KIAA0825: variants seen among roughly 807,000 people sequenced by gnomAD.
KIAA0825 encodes the protein KIAA0825.
A neutral mutation model predicts 147.6 loss-of-function variants in KIAA0825; 119 were observed. That is an observed-to-expected ratio of 0.81 (90% CI 0.69 to 0.94). The LOEUF is 0.94. KIAA0825 is among the 40% of genes least tolerant of loss of function. KIAA0825 has a pLI of 0.00. For missense variants in KIAA0825, 1,381 were observed against 1,472.7 expected, an observed-to-expected ratio of 0.94 and a Z score of 1.02; for synonymous variants, 470 against 518.1, an observed-to-expected ratio of 0.91 and a Z score of 1.26.
At chr5:94,222,728 A>G (rs1773778424) in intron 20 of KIAA0825, among the ~76,000 whole-genome samples, 1 of 152,210 alleles carries the variant, frequency 6.6e-6, no homozygotes, top group East Asian at 1.9e-4. Flanking sequence ...ATTTTTATAT[A>G]TGATGGTATA....
chr5:94,366,134 C>T (rs1265633071), intron 20 of KIAA0825, among the ~76,000 whole-genome samples: 1 of 152,182 alleles, frequency 6.6e-6, no homozygotes, highest in African/African-American at 2.4e-5. Context: ...AAACTCCAGC[C>T]ACCAAATTCT....
intron 20 of KIAA0825, among the ~76,000 whole-genome samples, chr5:94,370,349 A>G (rs1746508082): frequency 6.6e-6 from 1 of 152,194 alleles, no homozygotes. Flanking sequence ...AACTGTGATG[A>G]TTGTTAAACA....
chr5:94,381,290 C>G (rs1748372356), intron 20 of KIAA0825, among the ~76,000 whole-genome samples: 1 of 152,178 alleles, frequency 6.6e-6, no homozygotes, highest in Non-Finnish European at 1.5e-5. Context: ...TATGTTACTA[C>G]TTTTTTGAAT....
chr5:94,285,166 T>C (rs1415027016), intron 20 of KIAA0825, among the ~76,000 whole-genome samples: 2 of 152,146 alleles, frequency 1.3e-5, no homozygotes, highest in Non-Finnish European at 2.9e-5. Flanking sequence ...GAATTAACTA[T>C]TGACTTCTCC....
intron 20 of KIAA0825, among the ~76,000 whole-genome samples, chr5:94,379,844 CTTTTTTTTTTTT>C (rs59886046): frequency 4.1e-4 from 23 of 55,724 alleles, no homozygotes; most frequent in African/African-American, 1.8e-3. Flanking sequence ...GTATTTTATT[CTTTTTTTTTTTT>C]TTTTTTTTTT....
intron 2 of KIAA0825, among the ~76,000 whole-genome samples, chr5:94,562,262 C>A (rs1648448571): frequency 6.6e-6 from 1 of 152,056 alleles, no homozygotes; most frequent in Non-Finnish European, 1.5e-5. Context: ...GTGGTTAAGA[C>A]AAATTCATAT....
rs2150712529 is a variant in KIAA0825 at position 94,417,270 on chromosome 5, T to A, written c.2593A>T (p.Thr865Ser). The A allele has an allele frequency of 6.4e-7, 1 of 1,551,080 alleles. No individual in the cohort carries two copies. The highest frequency in any genetic ancestry group is 2.0e-5 in the Admixed American group (1 of 50,984). The part of the protein sequence containing the change: ...ILYHCSFSPQ[T>S]FANVFVSYME... ...TAGCTCACAAAAACGTTTGCAAATG[T>A]TTGTGGAGAAAAACTGCAATGGTAC... The change falls in exon 15 of 21, where the codon ACA (threonine) becomes TCA (serine). Residue 865 changes from threonine to serine, a missense_variant. Coordinates refer to ENST00000682413, the MANE Select transcript of KIAA0825 (RefSeq NM_001145678.3).
intron 20 of KIAA0825, among the ~76,000 whole-genome samples, chr5:94,220,131 TA>T (rs1250778295): frequency 1.4e-4 from 22 of 152,336 alleles, no homozygotes; most frequent in Admixed American, 1.3e-3. Context: ...AAAAACATTT[TA>T]TTTTTTACTT....
chr5:94,171,588 A>G (rs1768618108), intron 20 of KIAA0825, among the ~76,000 whole-genome samples: 1 of 152,130 alleles, frequency 6.6e-6, no homozygotes, highest in African/African-American at 2.4e-5. Context: ...TTGTTAAGTG[A>G]ATGACCCATC....
At chr5:94,387,514 T>C (rs1410964279) in intron 18 of KIAA0825, among the ~76,000 whole-genome samples, 1 of 151,892 alleles carries the variant, frequency 6.6e-6, no homozygotes, top group Admixed American at 6.6e-5. Context: ...GCCAACATGG[T>C]GAAACCCCAT....
chr5:94,320,673 C>A (rs1780093212), intron 20 of KIAA0825, among the ~76,000 whole-genome samples: 1 of 151,940 alleles, frequency 6.6e-6, no homozygotes, highest in Non-Finnish European at 1.5e-5. Flanking sequence ...CCCTCTACAG[C>A]CTAAAATGGT....
chr5:94,373,664 C>A (rs1405934201), intron 20 of KIAA0825, among the ~76,000 whole-genome samples: 2 of 152,154 alleles, frequency 1.3e-5, no homozygotes, highest in East Asian at 3.8e-4. Context: ...CATGATTCAA[C>A]TACCTCCCAC....
chr5:94,406,543 C>G (rs147930776), intron 15 of KIAA0825, among the ~76,000 whole-genome samples: 309 of 152,214 alleles, frequency 2.0e-3, no homozygotes, highest in South Asian at 0.011. Context: ...GGTGTGAAGA[C>G]CTGGGAAAAT....
At chr5:94,521,564 T>C (rs985936685) in intron 4 of KIAA0825, among the ~76,000 whole-genome samples, 1 of 151,720 alleles carries the variant, frequency 6.6e-6, no homozygotes, top group Non-Finnish European at 1.5e-5. Flanking sequence ...TGAGAATATT[T>C]CAATTCTCTC....
chr5:94,519,695 C>A, intron 5 of KIAA0825: 1 of 744,248 alleles, frequency 1.3e-6, no homozygotes, highest in Non-Finnish European at 1.6e-6. Flanking sequence ...AATTGACTGA[C>A]TAAAATATTA....
rs1037648052 is a variant in KIAA0825, at chr5:94,151,435, A to C, written c.*2572T>G. Among the ~76,000 whole-genome samples, 2 of 150,788 alleles carry C rather than the reference A, an allele frequency of 1.3e-5. No individual in the cohort carries two copies. The highest frequency in any genetic ancestry group is 4.8e-5 in the African/African-American group (2 of 41,266). ...CGAGACTCCGTCTCAAAAAAAAAAA[A>C]AAAAAAAAAAAAAAAACATATTGAG... On this transcript the variant is annotated 3_prime_UTR_variant, in exon 21 of 21. Transcript: ENST00000682413.
intron 15 of KIAA0825, chr5:94,413,225 C>T (rs1405228898): frequency 6.6e-6 from 1 of 152,224 alleles, no homozygotes; most frequent in East Asian, 1.9e-4. Flanking sequence ...GCTGGGATTA[C>T]AGGCGTGAGC....
chr5:94,185,975 C>T (rs1770085625), intron 20 of KIAA0825, among the ~76,000 whole-genome samples: 1 of 152,294 alleles, frequency 6.6e-6, no homozygotes, highest in African/African-American at 2.4e-5. Flanking sequence ...ATGTATTACA[C>T]AATTCCCTTA....
chr5:94,412,899 A>G (rs989863810), intron 15 of KIAA0825: 1 of 151,936 alleles, frequency 6.6e-6, no homozygotes, highest in Non-Finnish European at 1.5e-5. Context: ...CAAAACCTGC[A>G]TATATGCAGG....
Sources: allele counts gnomAD v4.1 joint callset (sites outside exome capture counted in the v4.1 genomes callset), GRCh38; gene constraint gnomAD v4.1.1; transcripts MANE v1.5; gene names NCBI Gene and HGNC (gene_info 2026-07-23, HGNC 2026-07-21).